SPECC1: variants seen among roughly 807,000 people sequenced by gnomAD.
SPECC1 encodes the protein sperm antigen with calponin homology and coiled-coil domains 1.
A neutral mutation model predicts 104.1 loss-of-function variants in SPECC1; 62 were observed. The ratio of observed to expected loss-of-function variants is 0.60; its 90% CI spans 0.49 to 0.74. SPECC1 has a LOEUF of 0.74. SPECC1 is among the 30% of genes least tolerant of loss of function. The probability of loss-of-function intolerance (pLI) is 0.00; values close to 1 mark genes in which losing one functional copy is unlikely to be tolerated. For missense variants in SPECC1, 1,306 were observed against 1,310.5 expected (o/e 1.00, Z 0.05); for synonymous variants, 513 against 501.6 (o/e 1.02, Z -0.30).
chr17:20,236,613 A>C (rs934958087), intron 7 of SPECC1, among the ~76,000 whole-genome samples: 2 of 74,518 alleles, frequency 2.7e-5, no homozygotes, highest in Non-Finnish European at 4.5e-5. Context: ...TTTGCTGGAG[A>C]AGTTCTGGTG....
At chr17:20,246,873 A>C (rs1347270562) in intron 8 of SPECC1, among the ~76,000 whole-genome samples, 1 of 152,192 alleles carries the variant, frequency 6.6e-6, no homozygotes, top group South Asian at 2.1e-4. Context: ...TAGACTCTAC[A>C]TATTCAAAGA....
At chr17:20,273,287 C>T (rs1032843140) in intron 12 of SPECC1, among the ~76,000 whole-genome samples, 1 of 152,136 alleles carries the variant, frequency 6.6e-6, no homozygotes, top group African/African-American at 2.4e-5. Flanking sequence ...AGTTCAAGAC[C>T]AGGCTGGCCA....
At chr17:20,202,501 C>T (rs759297989) in intron 3 of SPECC1, among the ~76,000 whole-genome samples, 23 of 152,228 alleles carry the variant, frequency 1.5e-4, no homozygotes, top group Middle Eastern at 3.4e-3. Flanking sequence ...GGTTGCCTGT[C>T]GCTTCAGACA....
intron 3 of SPECC1, among the ~76,000 whole-genome samples, chr17:20,130,174 G>A (rs1375946606): frequency 1.3e-5 from 2 of 152,132 alleles, no homozygotes; most frequent in Admixed American, 6.5e-5. Context: ...GTGAGACTTG[G>A]GTCAAGGTTA....
intron 1 of SPECC1, among the ~76,000 whole-genome samples, chr17:20,042,531 C>T (rs1394214011): frequency 2.0e-5 from 3 of 152,216 alleles, no homozygotes; most frequent in African/African-American, 7.2e-5. Flanking sequence ...CTCCTTACTA[C>T]TGCCATGCAG....
intron 12 of SPECC1, among the ~76,000 whole-genome samples, chr17:20,282,225 T>G (rs1217170866): frequency 6.6e-6 from 1 of 152,198 alleles, no homozygotes; most frequent in African/African-American, 2.4e-5. Flanking sequence ...TCCTGAGATG[T>G]GTATCTTCTG....
At chr17:20,069,615 G>C (rs771220646) in intron 1 of SPECC1, among the ~76,000 whole-genome samples, 3 of 151,998 alleles carry the variant, frequency 2.0e-5, no homozygotes, top group Non-Finnish European at 4.4e-5. Flanking sequence ...AATTGTCCTA[G>C]CATCCTTGTT....
chr17:20,259,162 C>T (rs1455588740), intron 11 of SPECC1, among the ~76,000 whole-genome samples: 1 of 152,148 alleles, frequency 6.6e-6, no homozygotes, highest in Non-Finnish European at 1.5e-5. Flanking sequence ...CCTTTGGGTA[C>T]AGCATATATT....
chr17:20,055,774 T>G (rs1450499051), intron 1 of SPECC1, among the ~76,000 whole-genome samples: 1 of 152,240 alleles, frequency 6.6e-6, no homozygotes, highest in Non-Finnish European at 1.5e-5. Flanking sequence ...TGCTGGTTGT[T>G]GGTGCCATCC....
chr17:20,073,587 G>A (rs754232598), intron 1 of SPECC1: 2 of 152,174 alleles, frequency 1.3e-5, no homozygotes, highest in Non-Finnish European at 2.9e-5. Flanking sequence ...CTCTCTGCCC[G>A]GCCCCCTCCG....
rs1360181113 is a variant in SPECC1, at chr17:20,316,253, T to A, written c.*2188T>A. 1 of 231,660 alleles carries A rather than the reference T, an allele frequency of 4.3e-6. No homozygotes were observed. Among genetic ancestry groups the A allele is most frequent in the African/African-American group, 2.2e-5 (1 of 45,244 alleles). The allele number at this position is 231,660 out of a possible 1,614,324, so 14.4% of individuals were successfully genotyped here. A position where few individuals can be genotyped will look rare whatever the true frequency, so the allele number is the denominator to read the frequency against. ...ATCCCAAGTAGTTGAGTTGAGCTGT[T>A]GGTTGTTAGATTTAAGCTGGAATTA... On this transcript the variant is annotated 3_prime_UTR_variant, in exon 15 of 15. Coordinates refer to ENST00000395527, the MANE Select transcript of SPECC1 (RefSeq NM_001243439.2).
intron 12 of SPECC1, among the ~76,000 whole-genome samples, chr17:20,290,016 G>T (rs2041109294): frequency 6.6e-6 from 1 of 152,030 alleles, no homozygotes; most frequent in Non-Finnish European, 1.5e-5. Context: ...TTTTAAGATG[G>T]TACACATTCT....
chr17:20,058,095 T>G (rs959480029), intron 1 of SPECC1, among the ~76,000 whole-genome samples: 3 of 152,178 alleles, frequency 2.0e-5, no homozygotes, highest in Admixed American at 6.5e-5. Context: ...CAGATAATGA[T>G]TACTGAAATA....
rs2038287147 is a variant in SPECC1 at position 20,227,402 on chromosome 17, T to G, written c.1864-11T>G. ...TTGTTAACTGACCAAGGAACCTTCC[T>G]TTTATTTTAGGTGGAAAAGGATTAT... is the stretch of plus-strand genomic sequence containing the variant. On this transcript the variant is annotated splice_polypyrimidine_tract_variant and intron_variant, in intron 4 of 14. Transcript: ENST00000395527. 6.2e-7 allele frequency: 1 copy of G among 1,608,578 alleles called. No homozygotes were observed. The highest frequency in any genetic ancestry group is 2.2e-5 in the East Asian group (1 of 44,526).
chr17:20,222,490 A>AT, intron 4 of SPECC1, among the ~76,000 whole-genome samples: 1 of 152,268 alleles, frequency 6.6e-6, no homozygotes, highest in South Asian at 2.1e-4. Flanking sequence ...TATAGTGCAG[A>AT]TTAAGTCTGA....
rs2042035916 is a variant in SPECC1, at chr17:20,315,989, A to G, written c.*1924A>G. On this transcript the variant is annotated 3_prime_UTR_variant, in exon 15 of 15. Coordinates refer to ENST00000395527, the MANE Select transcript of SPECC1 (RefSeq NM_001243439.2). ...AGCACAGCTGCTTGGAGAACCACTG[A>G]GGGGTGGACACCTTCCCCTGGCAGC... 1 of 232,554 alleles carries G rather than the reference A, an allele frequency of 4.3e-6. No individual in the cohort carries two copies. The highest frequency in any genetic ancestry group is 1.8e-4 in the South Asian group (1 of 5,526). The allele number at this position is 232,554 out of a possible 1,614,324, so 14.4% of individuals were successfully genotyped here.
chr17:20,082,694 C>A (rs1476057294), intron 1 of SPECC1, among the ~76,000 whole-genome samples: 1 of 152,156 alleles, frequency 6.6e-6, no homozygotes, highest in Non-Finnish European at 1.5e-5. Flanking sequence ...ATATGGACAT[C>A]AGTCATACTG....
intron 3 of SPECC1, among the ~76,000 whole-genome samples, chr17:20,195,684 A>G (rs2035986132): frequency 6.6e-6 from 1 of 152,004 alleles, no homozygotes; most frequent in African/African-American, 2.4e-5. Context: ...CAACATCCTG[A>G]GTAGCTGAGA....
chr17:20,260,345 C>T, intron 12 of SPECC1, 51 bp downstream of exon 12: 1 of 1,506,664 alleles, frequency 6.6e-7, no homozygotes, highest in Admixed American at 1.7e-5. Flanking sequence ...AGTAGTAGTC[C>T]TGTGCCAATA....
Sources: gnomAD v4.1 joint callset for allele counts (sites outside exome capture counted in the v4.1 genomes callset) on GRCh38, gnomAD v4.1.1 for gene constraint, MANE v1.5 for transcripts, NCBI Gene and HGNC (gene_info 2026-07-23, HGNC 2026-07-21) for gene names.